IL1RAPL2: variants seen among roughly 807,000 people sequenced by gnomAD.
IL1RAPL2 encodes the protein interleukin 1 receptor accessory protein like 2.
Under a neutral mutation model 44.1 loss-of-function variants are expected in IL1RAPL2, and 3 were observed. The observed-to-expected ratio is 0.07, with a 90% CI of 0.03 to 0.18. The LOEUF (loss-of-function observed/expected upper bound fraction) is 0.18, where lower values mean the gene tolerates loss of function less well. Among genes scored for constraint, IL1RAPL2 ranks in the 10% least tolerant of loss-of-function variants. The pLI, the probability that IL1RAPL2 is intolerant of heterozygous loss-of-function variation, is 1.00. For synonymous variants in IL1RAPL2, 181 were observed against 178.8 expected, an observed-to-expected ratio of 1.01 and a Z score of -0.10; for missense variants, 391 against 496.4, an observed-to-expected ratio of 0.79 and a Z score of 2.02.
At chrX:104,853,844 A>G (rs1306182157) in intron 2 of IL1RAPL2, among the ~76,000 whole-genome samples, 1 of 101,012 alleles carries the variant, frequency 9.9e-6, no homozygotes, top group African/African-American at 3.7e-5. Flanking sequence ...CGGAGCTTGC[A>G]GTGAGCCGAG....
chrX:104,804,816 A>G (rs1396809376), intron 2 of IL1RAPL2, among the ~76,000 whole-genome samples: 3 of 112,700 alleles, frequency 2.7e-5, no homozygotes, highest in African/African-American at 9.7e-5. Flanking sequence ...AGACATGATG[A>G]TCTATTAAAT....
At chrX:105,022,083 T>C (rs747950983) in intron 2 of IL1RAPL2, among the ~76,000 whole-genome samples, 4 of 110,717 alleles carry the variant, frequency 3.6e-5, no homozygotes, top group Non-Finnish European at 7.6e-5. Flanking sequence ...TCATTTCCCA[T>C]GAGAAAAATT....
chrX:105,664,876 A>T (rs999572896), intron 6 of IL1RAPL2, among the ~76,000 whole-genome samples: 4 of 111,992 alleles, frequency 3.6e-5, no homozygotes, highest in African/African-American at 9.8e-5. Context: ...AGCCCAAAAC[A>T]ATAAACTCCT....
At chrX:105,118,212 A>G (rs115468170) in intron 2 of IL1RAPL2, among the ~76,000 whole-genome samples, 9,735 of 112,384 alleles carry the variant, frequency 0.087, 1,036 homozygotes, top group African/African-American at 0.3. Flanking sequence ...GCATTATCAA[A>G]CAATTTAAAT....
chrX:104,686,221 T>C (rs1250468811), intron 2 of IL1RAPL2, among the ~76,000 whole-genome samples: 1 of 111,675 alleles, frequency 9.0e-6, no homozygotes, highest in Non-Finnish European at 1.9e-5. Flanking sequence ...TATTTCACTT[T>C]TCCACTTTTC....
chrX:104,575,260 TAATA>T (rs1197505496), intron 1 of IL1RAPL2, among the ~76,000 whole-genome samples: 5 of 111,383 alleles, frequency 4.5e-5, no homozygotes, highest in Non-Finnish European at 9.4e-5. Flanking sequence ...AAACATATAA[TAATA>T]AAGATAAATT....
intron 5 of IL1RAPL2, among the ~76,000 whole-genome samples, chrX:105,378,922 G>T (rs1247116312): frequency 8.9e-6 from 1 of 111,961 alleles, no homozygotes; most frequent in Non-Finnish European, 1.9e-5. Context: ...GCAAAGTCAA[G>T]AGTGAGGCCA....
chrX:105,049,281 A>T (rs988115358), intron 2 of IL1RAPL2, among the ~76,000 whole-genome samples: 1 of 111,357 alleles, frequency 9.0e-6, no homozygotes, highest in Admixed American at 9.6e-5. Flanking sequence ...CTTTGAAAAT[A>T]TTATAATCTT....
chrX:104,755,143 A>G (rs1031706891), intron 2 of IL1RAPL2, among the ~76,000 whole-genome samples: 1 of 111,614 alleles, frequency 9.0e-6, no homozygotes, highest in African/African-American at 3.2e-5. Flanking sequence ...AATGATCAAC[A>G]ATATCATACT....
chrX:105,086,031 T>G (rs774911523), intron 2 of IL1RAPL2, among the ~76,000 whole-genome samples: 1 of 111,387 alleles, frequency 9.0e-6, no homozygotes, highest in South Asian at 3.8e-4. Flanking sequence ...GCTCTCCCAG[T>G]GGTTGCAGAG....
intron 1 of IL1RAPL2, among the ~76,000 whole-genome samples, chrX:104,582,612 C>CT (rs1178012617): frequency 3.2e-5 from 1 of 31,145 alleles, no homozygotes; most frequent in African/African-American, 1.1e-4. Flanking sequence ...TTCTTTCTTT[C>CT]TTTCTTTCTT....
chrX:105,540,371 A>G (rs772369467), intron 6 of IL1RAPL2, among the ~76,000 whole-genome samples: 104 of 111,327 alleles, frequency 9.3e-4, no homozygotes, highest in African/African-American at 3.0e-3. Flanking sequence ...GAATGAAATC[A>G]TGTCATTTGC....
intron 1 of IL1RAPL2, among the ~76,000 whole-genome samples, chrX:104,638,937 C>G (rs1929879624): frequency 1.8e-5 from 2 of 112,081 alleles, no homozygotes; most frequent in African/African-American, 6.5e-5. Context: ...GCTGTTAGGT[C>G]TAATGCTGAG....
At position 104,881,840 on chromosome X, in the gene IL1RAPL2, CAA is replaced by C. The variant is rs1048371033; in HGVS notation, c.82+222846_82+222847del. Among the ~76,000 whole-genome samples the C allele has an allele frequency of 3.6e-5, 4 of 111,771 alleles. No homozygotes were observed. The South Asian group carries it at 1.5e-3, about 41-fold the overall frequency. ...TGTTCTGGAAAGCTTGTAATATAGA[CAA>C]GAGAAGGTGGTGAGAATTTTTTGAG... On this transcript the variant is annotated intron_variant, in intron 2 of 10. Coordinates refer to ENST00000372582, the MANE Select transcript of IL1RAPL2 (RefSeq NM_017416.2).
At chrX:105,053,130 C>G (rs1394876192) in intron 2 of IL1RAPL2, among the ~76,000 whole-genome samples, 1 of 111,039 alleles carries the variant, frequency 9.0e-6, no homozygotes, top group East Asian at 2.8e-4. Context: ...TCAGCTGTTT[C>G]TCATCAAAAC....
At chrX:104,691,836 T>C (rs1931096738) in intron 2 of IL1RAPL2, among the ~76,000 whole-genome samples, 1 of 111,622 alleles carries the variant, frequency 9.0e-6, no homozygotes, top group African/African-American at 3.3e-5. Context: ...GTAGTCTGTT[T>C]TGAGTCACCT....
intron 5 of IL1RAPL2, among the ~76,000 whole-genome samples, chrX:105,391,972 A>C (rs1218471974): frequency 1.3e-5 from 1 of 75,400 alleles, no homozygotes; most frequent in East Asian, 4.9e-4. Context: ...AGGAAGGGGA[A>C]CATCACACTC....
chrX:105,270,320 G>A (rs1465819699), intron 5 of IL1RAPL2, among the ~76,000 whole-genome samples: 3 of 111,295 alleles, frequency 2.7e-5, no homozygotes, highest in Non-Finnish European at 5.7e-5. Flanking sequence ...GATTTTTATA[G>A]GCCCCAATTT....
At chrX:104,680,232 C>A (rs1930866355) in intron 2 of IL1RAPL2, among the ~76,000 whole-genome samples, 1 of 111,533 alleles carries the variant, frequency 9.0e-6, no homozygotes, top group Non-Finnish European at 1.9e-5. Flanking sequence ...TTTGTGAACT[C>A]CTATTAATGG....
Sources: allele counts gnomAD v4.1 joint callset (sites outside exome capture counted in the v4.1 genomes callset), GRCh38; gene constraint gnomAD v4.1.1; transcripts MANE v1.5; gene names NCBI Gene and HGNC (gene_info 2026-07-23, HGNC 2026-07-21).